Variants in CHSY1 observed in about 807,000 individuals in gnomAD.
The protein encoded by CHSY1 is chondroitin sulfate synthase 1.
Under a neutral mutation model 59.8 loss-of-function variants are expected in CHSY1, and 13 were observed. The observed-to-expected ratio is 0.22, with a 90% confidence interval of 0.14 to 0.35. The LOEUF is 0.35. CHSY1 is among the 10% of genes least tolerant of loss of function. The pLI, the probability that CHSY1 is intolerant of heterozygous loss-of-function variation, is 1.00. For synonymous variants in CHSY1, 459 were observed against 401.2 expected (o/e 1.14, Z -1.72); for missense variants, 947 against 1,030.6 (o/e 0.92, Z 1.11).
chr15:101,208,744 G>T (rs1469546575), intron 2 of CHSY1, among the ~76,000 whole-genome samples: 1 of 149,862 alleles, frequency 6.7e-6, no homozygotes, highest in East Asian at 1.9e-4. Context: ...ACAGAAGCCT[G>T]CAACAAACAG....
At chr15:101,228,677 G>C (rs1596449843) in intron 2 of CHSY1, among the ~76,000 whole-genome samples, 1 of 152,044 alleles carries the variant, frequency 6.6e-6, no homozygotes, top group African/African-American at 2.4e-5. Flanking sequence ...CATTCCAAGA[G>C]AAACAAAAGG....
At chr15:101,186,950 A>C (rs2038377968) in intron 2 of CHSY1, among the ~76,000 whole-genome samples, 1 of 152,244 alleles carries the variant, frequency 6.6e-6, no homozygotes, top group African/African-American at 2.4e-5. Context: ...AATCCTCTGA[A>C]GCCCAGCTCT....
intron 2 of CHSY1, among the ~76,000 whole-genome samples, chr15:101,223,325 A>G (rs2038809285): frequency 6.6e-6 from 1 of 152,248 alleles, no homozygotes; most frequent in South Asian, 2.1e-4. Context: ...TGTTTGATAA[A>G]TAAATCCGGA....
At chr15:101,221,483 T>TCC (rs2038788587) in intron 2 of CHSY1, among the ~76,000 whole-genome samples, 1 of 152,180 alleles carries the variant, frequency 6.6e-6, no homozygotes, top group African/African-American at 2.4e-5. Context: ...TCTCTCTCTC[T>TCC]CCCTCTCTCT....
chr15:101,182,486 T>C (rs114150832), intron 2 of CHSY1, among the ~76,000 whole-genome samples: 1 of 152,352 alleles, frequency 6.6e-6, no homozygotes, highest in African/African-American at 2.4e-5. Flanking sequence ...TGCTGCATCT[T>C]AGTCCTCTGG....
chr15:101,251,141 A>C lies in CHSY1; in HGVS notation c.316T>G (p.Tyr106Asp). 1 of 1,584,992 alleles carries C rather than the reference A, an allele frequency of 6.3e-7. No individual in the cohort carries two copies. The highest frequency in any genetic ancestry group is 8.5e-7 in the Non-Finnish European group (1 of 1,170,010). ...KYLQTRAVAA[Y>D]RTWSKTIPGK... ...GCCCGGGGAGCAGGGGCTCACCTGTAGGCGGCCACGGCCCGAGTCTGCAGG... is the reference window on the plus strand; with the variant it reads ...GCCCGGGGAGCAGGGGCTCACCTGTCGGCGGCCACGGCCCGAGTCTGCAGG... Residue 106 changes from tyrosine (Y) to aspartate (D), a missense_variant, in exon 1 of 3, where the codon TAC becomes GAC. Tyr to Asp is a radical substitution (Grantham distance 160). Transcript: ENST00000254190.
chr15:101,184,093 C>T (rs2038319546), intron 2 of CHSY1, among the ~76,000 whole-genome samples: 1 of 152,210 alleles, frequency 6.6e-6, no homozygotes, highest in South Asian at 2.1e-4. Flanking sequence ...GAGGGCGGGC[C>T]CCCACGGGAG....
chr15:101,181,533 C>T (rs1378230485), intron 2 of CHSY1, among the ~76,000 whole-genome samples: 1 of 152,196 alleles, frequency 6.6e-6, no homozygotes, highest in Non-Finnish European at 1.5e-5. Context: ...CTTCTTTGCC[C>T]TGCAGGAAGC....
chr15:101,201,606 G>C (rs1438534322), intron 2 of CHSY1, among the ~76,000 whole-genome samples: 3 of 152,216 alleles, frequency 2.0e-5, no homozygotes, highest in African/African-American at 7.2e-5. Flanking sequence ...GACTCCAAGA[G>C]GAGTTAAATC....
intron 2 of CHSY1, among the ~76,000 whole-genome samples, chr15:101,217,549 G>C (rs74040392): frequency 6.6e-6 from 1 of 152,114 alleles, no homozygotes; most frequent in Non-Finnish European, 1.5e-5. Context: ...GGAAATACAC[G>C]AGATGAGCCT....
At chr15:101,213,965 A>G (rs1296704408) in intron 2 of CHSY1, among the ~76,000 whole-genome samples, 3 of 152,216 alleles carry the variant, frequency 2.0e-5, no homozygotes, top group African/African-American at 4.8e-5. Context: ...TTTCCCTCCA[A>G]TGAAAACTGG....
chr15:101,228,470 G>C (rs1186254633), intron 2 of CHSY1, among the ~76,000 whole-genome samples: 1 of 151,984 alleles, frequency 6.6e-6, no homozygotes, highest in East Asian at 1.9e-4. Context: ...AGAGTAGCAA[G>C]AAAAGCAACT....
At chr15:101,235,916 C>T (rs535313401) in intron 1 of CHSY1, among the ~76,000 whole-genome samples, 52 of 152,190 alleles carry the variant, frequency 3.4e-4, no homozygotes, top group Non-Finnish European at 3.2e-4. Context: ...CTTCTCAACT[C>T]TATAAAACAA....
chr15:101,190,871 C>A (rs1413928220), intron 2 of CHSY1, among the ~76,000 whole-genome samples: 4 of 152,140 alleles, frequency 2.6e-5, no homozygotes, highest in African/African-American at 9.7e-5. Context: ...CAAATTCAAA[C>A]AACGAGATGC....
At chr15:101,189,502 C>T (rs2038416327) in intron 2 of CHSY1, 3 of 985,094 alleles carry the variant, frequency 3.0e-6, no homozygotes, top group Non-Finnish European at 3.6e-6. Flanking sequence ...CCCAGTGCAG[C>T]CGGGTTTAAA....
chr15:101,219,520 C>T lies in CHSY1; in HGVS notation c.816+15562G>A, dbSNP rs141283507. Among the ~76,000 whole-genome samples, 584 of 152,230 alleles carry T rather than the reference C, an allele frequency of 3.8e-3. 1 individual carries two copies. The highest frequency in any genetic ancestry group is 6.2e-3 in the Non-Finnish European group (425 of 68,010). On this transcript the variant is annotated intron_variant, in intron 2 of 2. Transcript: ENST00000254190. ...ACATTTTTAAATCAACACAAGCAAA[C>T]GTCAAATTTCATGGTAAATAAAACC...
intron 2 of CHSY1, among the ~76,000 whole-genome samples, chr15:101,188,473 T>C (rs2038400420): frequency 1.3e-5 from 2 of 152,204 alleles, no homozygotes; most frequent in Admixed American, 6.5e-5. Flanking sequence ...CTGTCCCTGC[T>C]AGGTCTTTCC....
In CHSY1 at chr15:101,194,896, G is replaced by A. The variant is rs192824576; in HGVS notation, c.817-15916C>T. Among the ~76,000 whole-genome samples, 221 of 152,270 alleles carry A rather than the reference G, an allele frequency of 1.5e-3. 1 individual carries two copies. The highest frequency in any genetic ancestry group is 5.2e-3 in the African/African-American group (215 of 41,554). On this transcript the variant is annotated intron_variant, in intron 2 of 2. Transcript: ENST00000254190. Reference sequence around the variant, plus strand: ...AAGAGTACACTTCTGATGCCAAGAAGATAAGATCTCATGCACTTCCTCCCC... The same window carrying A: ...AAGAGTACACTTCTGATGCCAAGAAAATAAGATCTCATGCACTTCCTCCCC...
chr15:101,251,598 C>T lies in CHSY1; in HGVS notation c.-142G>A, dbSNP rs1447291749. The T allele has an allele frequency of 6.8e-6, 1 of 146,342 alleles. No homozygotes were observed. Among genetic ancestry groups the T allele is most frequent in the Non-Finnish European group, 1.5e-5 (1 of 66,464 alleles). 9.1% of individuals were successfully genotyped at this position (146,342 alleles called of 1,614,324 possible). On this transcript the variant is annotated 5_prime_UTR_variant, in exon 1 of 3. Transcript: ENST00000254190. ...CCGCCGCCGCCGCGGGCCCGCCGCG[C>T]CCATCGCGGCCCCCGAGCCGCCCGC... is the stretch of plus-strand genomic sequence containing the variant.
Sources: allele counts gnomAD v4.1 joint callset (sites outside exome capture counted in the v4.1 genomes callset), GRCh38; gene constraint gnomAD v4.1.1; transcripts MANE v1.5; gene names NCBI Gene and HGNC (gene_info 2026-07-23, HGNC 2026-07-21).